The following GABBR2 variants were observed in gnomAD, a reference collection of about 807,000 sequenced individuals.
The protein encoded by GABBR2 is gamma-aminobutyric acid type B receptor subunit 2.
A neutral mutation model predicts 105.6 loss-of-function variants in GABBR2; 23 were observed. That is an observed-to-expected ratio of 0.22 (90% confidence interval 0.16 to 0.31). The LOEUF (loss-of-function observed/expected upper bound fraction) is 0.31. GABBR2 is among the 10% of genes least tolerant of loss of function. The probability of loss-of-function intolerance (pLI) is 1.00; values close to 1 mark genes in which losing one functional copy is unlikely to be tolerated. For missense variants in GABBR2, 734 were observed against 1,245.5 expected, an observed-to-expected ratio of 0.59 and a Z score of 6.18; for synonymous variants, 478 against 499.7, an observed-to-expected ratio of 0.96 and a Z score of 0.58.
Position 98,586,280 on chromosome 9 carries a change from CTTTCT to C in GABBR2, c.322-8213_322-8209del, listed in dbSNP as rs1322192977. ...ATTTATCCTTCTTTTCTTCTCTTTT[CTTTCT>C]TTTTTTTTTTTTTTTTTGTTTGTTT... On this transcript the variant is annotated intron_variant, in intron 1 of 18. Transcript: ENST00000259455. Among the ~76,000 whole-genome samples the C allele has an allele frequency of 1.2e-3, 163 of 136,984 alleles. 1 individual carries two copies. Among genetic ancestry groups the C allele is most frequent in the African/African-American group, 4.0e-3 (150 of 37,180 alleles). The allele number at this position is 136,984 out of a possible 152,430, so 89.9% of individuals were successfully genotyped here. A position where few individuals can be genotyped will look rare whatever the true frequency, so the allele number is the denominator to read the frequency against.
At chr9:98,563,824 C>T (rs997612211) in intron 2 of GABBR2, among the ~76,000 whole-genome samples, 1 of 152,128 alleles carries the variant, frequency 6.6e-6, no homozygotes, top group South Asian at 2.1e-4. Flanking sequence ...ATGTAATCAT[C>T]TTAGGAAACA....
At chr9:98,504,913 T>C (rs958627002) in intron 3 of GABBR2, among the ~76,000 whole-genome samples, 1 of 152,176 alleles carries the variant, frequency 6.6e-6, no homozygotes, top group African/African-American at 2.4e-5. Context: ...GGAACTGCCA[T>C]TAATTTAAGC....
intron 2 of GABBR2, among the ~76,000 whole-genome samples, chr9:98,546,142 TA>T (rs1302396287): frequency 6.6e-6 from 1 of 152,228 alleles, no homozygotes; most frequent in Non-Finnish European, 1.5e-5. Flanking sequence ...TGTGGCCTAT[TA>T]TACAATCAAC....
intron 3 of GABBR2, among the ~76,000 whole-genome samples, chr9:98,523,043 AT>A (rs1564103098): frequency 6.6e-6 from 1 of 152,198 alleles, no homozygotes; most frequent in Non-Finnish European, 1.5e-5. Flanking sequence ...CAATTGTAGC[AT>A]AGTTTTATTA....
rs1338172224 is a variant in GABBR2 at position 98,388,003 on chromosome 9, C to T, written c.1529+851G>A. 6.6e-6 allele frequency among the ~76,000 whole-genome samples: 1 copy of T among 152,196 alleles called. No homozygotes were observed. Among genetic ancestry groups the T allele is most frequent in the Non-Finnish European group, 1.5e-5 (1 of 68,032 alleles). On this transcript the variant is annotated intron_variant, in intron 10 of 18. Coordinates refer to ENST00000259455, the MANE Select transcript of GABBR2 (RefSeq NM_005458.8). The surrounding 1 kb of genome is among the most constrained non-coding windows in gnomAD (Gnocchi z 4.4). ...AGAGCCATGGCACCATGTAGGTGGT[C>T]ACTGTGGCTGTCCCCATGACGGCCC...
intron 13 of GABBR2, among the ~76,000 whole-genome samples, chr9:98,336,952 A>G (rs1831126377): frequency 6.6e-6 from 1 of 151,828 alleles, no homozygotes; most frequent in African/African-American, 2.4e-5. Context: ...ATTGGAATGA[A>G]AGGAGCAAAA....
chr9:98,405,028 T>C (rs1564054474), intron 8 of GABBR2, among the ~76,000 whole-genome samples: 1 of 152,160 alleles, frequency 6.6e-6, no homozygotes, highest in East Asian at 1.9e-4. Flanking sequence ...CGTGATTATA[T>C]TATAAAACCT....
At chr9:98,671,206 T>A (rs973334458) in intron 1 of GABBR2, among the ~76,000 whole-genome samples, 5 of 152,072 alleles carry the variant, frequency 3.3e-5, no homozygotes, top group African/African-American at 1.2e-4. Flanking sequence ...CTACTTTCTG[T>A]CTATGTATTT....
In GABBR2 at chr9:98,414,706, C is replaced by T. The variant is rs550381454; in HGVS notation, c.1237-8565G>A. On this transcript the variant is annotated intron_variant, in intron 7 of 18. Coordinates refer to ENST00000259455, the MANE Select transcript of GABBR2 (RefSeq NM_005458.8). ...TGGCCAGACTAGGTTTTCCAGGCTT[C>T]CTGACGGTTGGGTGCGGCCATGTGA... Among the ~76,000 whole-genome samples the T allele has an allele frequency of 2.0e-5, 3 of 152,296 alleles. No homozygotes were observed. The East Asian group carries it at 5.8e-4, about 29-fold the overall frequency.
chr9:98,372,429 C>A (rs114339457), intron 11 of GABBR2, among the ~76,000 whole-genome samples: 1 of 152,360 alleles, frequency 6.6e-6, no homozygotes, highest in African/African-American at 2.4e-5. Flanking sequence ...AGAAAAGCCA[C>A]GTGCCCCATG....
chr9:98,513,593 G>A (rs370096614), intron 3 of GABBR2, among the ~76,000 whole-genome samples: 96 of 151,464 alleles, frequency 6.3e-4, no homozygotes, highest in African/African-American at 1.8e-3. Flanking sequence ...AAAAGTGGGC[G>A]AAGGATATGA....
intron 2 of GABBR2, among the ~76,000 whole-genome samples, chr9:98,569,936 T>C (rs1828803949): frequency 1.3e-5 from 2 of 152,242 alleles, no homozygotes; most frequent in African/African-American, 2.4e-5. Context: ...CAAAATGGCA[T>C]TGACTGACCG....
At chr9:98,320,491 G>T (rs1830800760) in intron 13 of GABBR2, among the ~76,000 whole-genome samples, 3 of 152,036 alleles carry the variant, frequency 2.0e-5, no homozygotes, top group African/African-American at 7.3e-5. Flanking sequence ...TATACCCAAA[G>T]GACTATAAAT....
At chr9:98,678,304 G>A (rs1830500137) in intron 1 of GABBR2, among the ~76,000 whole-genome samples, 1 of 152,056 alleles carries the variant, frequency 6.6e-6, no homozygotes, top group African/African-American at 2.4e-5. Flanking sequence ...ACTATCCTGG[G>A]GACACTACCA....
At chr9:98,526,116 T>C (rs1827951293) in intron 3 of GABBR2, among the ~76,000 whole-genome samples, 1 of 152,216 alleles carries the variant, frequency 6.6e-6, no homozygotes, top group African/African-American at 2.4e-5. Flanking sequence ...AACCATTTAA[T>C]TGTATGCTTT....
At chr9:98,566,837 G>T (rs112009507) in intron 2 of GABBR2, among the ~76,000 whole-genome samples, 2,623 of 132,662 alleles carry the variant, frequency 0.02, 30 homozygotes, top group Middle Eastern at 0.024. Context: ...CAAAGAAAAA[G>T]AAATAAGAAA....
intron 2 of GABBR2, among the ~76,000 whole-genome samples, chr9:98,552,852 C>T (rs754529645): frequency 1.3e-4 from 20 of 152,030 alleles, no homozygotes; most frequent in Non-Finnish European, 2.8e-4. Flanking sequence ...GCTTTTACCA[C>T]CCCCTGCTGT....
chr9:98,344,777 C>T (rs541564136), intron 13 of GABBR2, among the ~76,000 whole-genome samples: 1 of 152,246 alleles, frequency 6.6e-6, no homozygotes, highest in East Asian at 1.9e-4. Flanking sequence ...TCACTGCACC[C>T]ACTTTCTCTG....
intron 13 of GABBR2, among the ~76,000 whole-genome samples, chr9:98,352,153 T>C (rs1426793892): frequency 5.9e-5 from 9 of 152,214 alleles, no homozygotes; most frequent in African/African-American, 2.2e-4. Context: ...GGAGGCTATG[T>C]TGAGGCTTTA....
Sources: gnomAD v4.1 joint callset for allele counts (sites outside exome capture counted in the v4.1 genomes callset) on GRCh38, gnomAD v4.1.1 for gene constraint, Gnocchi (gnomAD v3.1) non-coding constraint, MANE v1.5 for transcripts, NCBI Gene and HGNC (gene_info 2026-07-23, HGNC 2026-07-21) for gene names.